PTP4A2: variants seen among roughly 807,000 people sequenced by gnomAD.
The protein encoded by PTP4A2 is protein tyrosine phosphatase 4A2, also known as protein tyrosine phosphatase type IVA 2.
PTP4A2 carries 2 observed loss-of-function variants against 22.9 expected under a neutral mutation model. The observed-to-expected ratio is 0.09, with a 90% confidence interval of 0.04 to 0.27. PTP4A2 has a LOEUF of 0.27. Ranked by LOEUF, PTP4A2 falls within the 10% of genes least tolerant of loss-of-function variation. PTP4A2 has a pLI of 1.00. For synonymous variants in PTP4A2, 68 were observed against 69.1 expected (o/e 0.98, Z 0.08); for missense variants, 103 against 205.1 (o/e 0.50, Z 3.04).
rs776557851 is a variant in PTP4A2 at position 31,919,082 on chromosome 1, T to C, written c.-17A>G. 2 of 1,363,954 alleles carry C rather than the reference T, an allele frequency of 1.5e-6. No individual in the cohort carries two copies. Among genetic ancestry groups the C allele is most frequent in the Admixed American group, 3.4e-5 (2 of 58,742 alleles). The allele number at this position is 1,363,954 out of a possible 1,614,324, so 84.5% of individuals were successfully genotyped here. On this transcript the variant is annotated 5_prime_UTR_variant, in exon 2 of 6. Coordinates refer to ENST00000647444, the MANE Select transcript of PTP4A2 (RefSeq NM_080391.4). ...ACGGTTCATTATGGCAAATAAAAAGTGTGAGCGTGCGTGTGAGTGTGATGG... is the reference window on the plus strand; with the variant it reads ...ACGGTTCATTATGGCAAATAAAAAGCGTGAGCGTGCGTGTGAGTGTGATGG...
intron 3 of PTP4A2, chr1:31,913,769 T>C: frequency 2.2e-6 from 1 of 455,750 alleles, no homozygotes; most frequent in South Asian, 1.6e-5. Context: ...TTCATTTCTA[T>C]TTCACAAAGA....
rs1408995182 is a variant in PTP4A2, at chr1:31,930,496, G to A, written c.-594+7491C>T. Among the ~76,000 whole-genome samples, 6 of 152,096 alleles carry A rather than the reference G, an allele frequency of 3.9e-5. No homozygotes were observed. The East Asian group carries it at 1.2e-3, about 29-fold the overall frequency. On this transcript the variant is annotated intron_variant, in intron 1 of 5. Coordinates refer to ENST00000647444, the MANE Select transcript of PTP4A2 (RefSeq NM_080391.4). ...AGTGAGGGAAACTCTCTATGGACAA[G>A]ACACAGAATAAAAACATCCCAAAAT...
At chr1:31,930,502 G>C (rs1445815443) in intron 1 of PTP4A2, among the ~76,000 whole-genome samples, 1 of 152,104 alleles carries the variant, frequency 6.6e-6, no homozygotes, top group African/African-American at 2.4e-5. Context: ...ACAAGACACA[G>C]AATAAAAACA....
chr1:31,925,208 T>C (rs1389211040), intron 1 of PTP4A2, among the ~76,000 whole-genome samples: 1 of 152,212 alleles, frequency 6.6e-6, no homozygotes, highest in Non-Finnish European at 1.5e-5. Flanking sequence ...GTTTTAACTT[T>C]TCCCATGTAC....
At chr1:31,923,396 G>A (rs1430731155) in intron 1 of PTP4A2, among the ~76,000 whole-genome samples, 4 of 139,234 alleles carry the variant, frequency 2.9e-5, no homozygotes, top group African/African-American at 8.1e-5. Flanking sequence ...GTGCAGTGGC[G>A]CGATCTCGGC....
rs747183112 is a variant in PTP4A2 at position 31,915,875 on chromosome 1, T to C, written c.189+20A>G. Reference sequence around the variant, plus strand: ...GAAAGATACAACTTGTTTTGAAAAATTTAAATACTACACACTCACTAGAAC... The same window carrying C: ...GAAAGATACAACTTGTTTTGAAAAACTTAAATACTACACACTCACTAGAAC... On this transcript the variant is annotated intron_variant, in intron 3 of 5. Coordinates refer to ENST00000647444, the MANE Select transcript of PTP4A2 (RefSeq NM_080391.4). 1.6e-5 allele frequency: 24 copies of C among 1,501,928 alleles called. No individual in the cohort carries two copies. In the South Asian group the frequency reaches 2.7e-4, roughly 17 times the overall value. 93.0% of individuals were successfully genotyped at this position (1,501,928 alleles called of 1,614,324 possible).
At chr1:31,931,489 C>T (rs1237431131) in intron 1 of PTP4A2, among the ~76,000 whole-genome samples, 2 of 152,092 alleles carry the variant, frequency 1.3e-5, no homozygotes, top group Non-Finnish European at 2.9e-5. Flanking sequence ...CAAATATTGC[C>T]ATATTTATGG....
chr1:31,909,113 G>A (rs1349928517), intron 5 of PTP4A2, among the ~76,000 whole-genome samples, 153 bp from the exon 6 acceptor site: 1 of 152,146 alleles, frequency 6.6e-6, no homozygotes, highest in African/African-American at 2.4e-5. Flanking sequence ...GAGCTAAGTT[G>A]CAACATGAAC....
rs1260857067 is a variant in PTP4A2, at chr1:31,919,200, T to C, written c.-135A>G. 7.9e-6 allele frequency: 4 copies of C among 505,956 alleles called. No homozygotes were observed. In the East Asian group the frequency reaches 1.4e-4, roughly 17 times the overall value. 31.3% of individuals were successfully genotyped at this position (505,956 alleles called of 1,614,324 possible). On this transcript the variant is annotated 5_prime_UTR_variant, in exon 2 of 6. Transcript: ENST00000647444. Reference sequence around the variant, plus strand: ...TAAAATGCCTATTATCAATCAGTGTTTTCTCTATTCAACTTGTTTATTCCT... The same window carrying C: ...TAAAATGCCTATTATCAATCAGTGTCTTCTCTATTCAACTTGTTTATTCCT...
chr1:31,911,572 T>C, intron 4 of PTP4A2, 124 bp downstream of exon 4: 5 of 927,416 alleles, frequency 5.4e-6, no homozygotes, highest in Non-Finnish European at 7.4e-6. Context: ...TCATTTCCTT[T>C]CCTTTCAGGT....
At chr1:31,918,767 G>C (rs994917296) in intron 2 of PTP4A2, among the ~76,000 whole-genome samples, 1 of 152,078 alleles carries the variant, frequency 6.6e-6, no homozygotes, top group African/African-American at 2.4e-5. Flanking sequence ...AGAACACAGA[G>C]AAAACAGTAC....
At chr1:31,931,846 A>G (rs1373932657) in intron 1 of PTP4A2, among the ~76,000 whole-genome samples, 1 of 152,198 alleles carries the variant, frequency 6.6e-6, no homozygotes, top group Non-Finnish European at 1.5e-5. Context: ...CTGGTGACTC[A>G]TATCCTTCTG....
chr1:31,938,004 T>C lies in PTP4A2; in HGVS notation c.-611A>G, dbSNP rs898992425. On this transcript the variant is annotated 5_prime_UTR_variant, in exon 1 of 6. Coordinates refer to ENST00000647444, the MANE Select transcript of PTP4A2 (RefSeq NM_080391.4). This position sits in a 1 kb window ranked among gnomAD's most constrained non-coding sequence, Gnocchi z 4.4. The stretch of plus-strand genomic sequence containing the variant: ...GCACTCACGCTGGCGAGCTGGGGAC[T>C]GGGCATTGAAGTCCGGCGGTGGCGG... 5.9e-5 allele frequency: 9 copies of C among 151,380 alleles called. No homozygotes were observed. Among genetic ancestry groups the C allele is most frequent in the Non-Finnish European group, 1.3e-4 (9 of 67,716 alleles). The allele number at this position is 151,380 out of a possible 1,614,324, so 9.4% of individuals were successfully genotyped here.
intron 1 of PTP4A2, among the ~76,000 whole-genome samples, chr1:31,920,933 CTATAAATGGGTAGAGGA>C (rs1162157544): frequency 6.6e-6 from 1 of 152,056 alleles, no homozygotes; most frequent in Non-Finnish European, 1.5e-5. Context: ...TAAGGTGTAC[CTATAAATGGGTAGAGGA>C]TATTAATCAA....
chr1:31,919,034 T>C lies in PTP4A2; in HGVS notation c.32A>G (p.Tyr11Cys), dbSNP rs1030979679. 4.4e-6 allele frequency: 7 copies of C among 1,606,442 alleles called. No homozygotes were observed. Among genetic ancestry groups the C allele is most frequent in the African/African-American group, 1.3e-5 (1 of 74,240 alleles). Residue 11 changes from tyrosine (Y) to cysteine (C), a missense_variant, in exon 2 of 6, where the codon TAT becomes TGT. Coordinates refer to ENST00000647444, the MANE Select transcript of PTP4A2 (RefSeq NM_080391.4). The stretch of plus-strand genomic sequence containing the variant: ...AGTTATCAGAAAACGCATGTTCTCA[T>C]AGGAGATCTCCACAGGGGCTGGACG... MNRPAPVEIS[Y>C]ENMRFLITHN... is the part of the protein sequence containing the mutation.
chr1:31,913,392 T>C (rs1399709686), intron 3 of PTP4A2, among the ~76,000 whole-genome samples: 1 of 152,252 alleles, frequency 6.6e-6, no homozygotes, highest in Non-Finnish European at 1.5e-5. Flanking sequence ...GTTTGTTTGT[T>C]TGTTTTTAAT....
chr1:31,915,201 CTTT>C (rs781236455), intron 3 of PTP4A2, among the ~76,000 whole-genome samples: 80 of 152,202 alleles, frequency 5.3e-4, no homozygotes, highest in Non-Finnish European at 8.1e-4. Flanking sequence ...CTAAATTTTG[CTTT>C]TTATTAGTTG....
intron 1 of PTP4A2, among the ~76,000 whole-genome samples, chr1:31,927,463 T>A (rs1024740905): frequency 1.3e-5 from 2 of 152,072 alleles, no homozygotes; most frequent in Non-Finnish European, 2.9e-5. Context: ...CCGAGCGACA[T>A]TCAATTTACC....
At chr1:31,936,186 C>T (rs1652925954) in intron 1 of PTP4A2, among the ~76,000 whole-genome samples, 1 of 152,078 alleles carries the variant, frequency 6.6e-6, no homozygotes, top group East Asian at 1.9e-4. Flanking sequence ...GCCTGTTAAT[C>T]CCAGCACTTT....
Sources: gnomAD v4.1 joint callset for allele counts (sites outside exome capture counted in the v4.1 genomes callset) on GRCh38, gnomAD v4.1.1 for gene constraint, Gnocchi (gnomAD v3.1) non-coding constraint, MANE v1.5 for transcripts, NCBI Gene and HGNC (gene_info 2026-07-23, HGNC 2026-07-21) for gene names.